The following RAI1 variants were observed in gnomAD, a reference collection of about 807,000 sequenced individuals.
RAI1 encodes the protein retinoic acid induced 1.
RAI1 carries 9 observed loss-of-function variants against 123.8 expected under a neutral mutation model. That is an observed-to-expected ratio of 0.07 (90% CI 0.04 to 0.13). RAI1 has a LOEUF of 0.13. Among genes scored for constraint, RAI1 ranks in the 10% least tolerant of loss-of-function variants. The probability of loss-of-function intolerance (pLI) is 1.00; values close to 1 mark genes in which losing one functional copy is unlikely to be tolerated. For missense variants in RAI1, 2,256 were observed against 2,545.8 expected, an observed-to-expected ratio of 0.89 and a Z score of 2.45; for synonymous variants, 1,231 against 1,127.3, an observed-to-expected ratio of 1.09 and a Z score of -1.84.
intron 1 of RAI1, among the ~76,000 whole-genome samples, chr17:17,705,707 C>T (rs1400871315): frequency 1.3e-5 from 2 of 150,374 alleles, no homozygotes; most frequent in Non-Finnish European, 3.0e-5. Context: ...GCCTGGGCGA[C>T]AGTGCAAGAC....
intron 1 of RAI1, among the ~76,000 whole-genome samples, chr17:17,719,939 C>T (rs906354555): frequency 1.3e-5 from 2 of 152,206 alleles, no homozygotes. Context: ...CATCTGACCT[C>T]AGGCCTGCAG....
At chr17:17,738,345 G>A (rs371751674) in intron 2 of RAI1, among the ~76,000 whole-genome samples, 6 of 150,358 alleles carry the variant, frequency 4.0e-5, no homozygotes, top group Admixed American at 6.6e-5. Context: ...GCTGGCTGGC[G>A]GCAGGCCCAG....
chr17:17,784,359 AC>A (rs1347594009), intron 2 of RAI1, among the ~76,000 whole-genome samples: 1 of 152,178 alleles, frequency 6.6e-6, no homozygotes, highest in African/African-American at 2.4e-5. Flanking sequence ...GGCACATTCC[AC>A]GACTCCTCTG....
intron 2 of RAI1, among the ~76,000 whole-genome samples, chr17:17,728,922 C>T (rs1379188830): frequency 6.6e-6 from 1 of 152,152 alleles, no homozygotes; most frequent in Non-Finnish European, 1.5e-5. Flanking sequence ...GAGGCTGGGG[C>T]CTACCATGAC....
chr17:17,710,770 C>T (rs895405517), intron 1 of RAI1, among the ~76,000 whole-genome samples: 1 of 152,240 alleles, frequency 6.6e-6, no homozygotes, highest in Admixed American at 6.5e-5. Context: ...AGACAGAGCC[C>T]TCTGGGAAGC....
chr17:17,687,891 G>A (rs1914692915), intron 1 of RAI1, among the ~76,000 whole-genome samples: 1 of 152,048 alleles, frequency 6.6e-6, no homozygotes. Context: ...TTAGCCAGGT[G>A]TGGTGGCCCA....
chr17:17,801,911 C>G lies in RAI1; in HGVS notation c.5566-1845C>G, dbSNP rs985341352. 2 of 376,594 alleles carry G rather than the reference C, an allele frequency of 5.3e-6. No individual in the cohort carries two copies. Among genetic ancestry groups the G allele is most frequent in the Non-Finnish European group, 1.1e-5 (2 of 188,978 alleles). 23.3% of individuals were successfully genotyped at this position (376,594 alleles called of 1,614,324 possible). On this transcript the variant is annotated intron_variant, in intron 3 of 5. Coordinates refer to ENST00000353383, the MANE Select transcript of RAI1 (RefSeq NM_030665.4). The surrounding 1 kb of genome is among the most constrained non-coding windows in gnomAD (Gnocchi z 4.1). ...TAACAGTAATCCCATCATAAGGTTG[C>G]TGTGGGCATGAGGCTTCCAGCCATG...
chr17:17,717,598 A>G (rs1355450180), intron 1 of RAI1, among the ~76,000 whole-genome samples: 1 of 151,104 alleles, frequency 6.6e-6, no homozygotes, highest in Non-Finnish European at 1.5e-5. Context: ...ATCTGCTGTC[A>G]TCCTCCCCAC....
intron 2 of RAI1, among the ~76,000 whole-genome samples, chr17:17,725,263 C>T (rs1916046529): frequency 6.6e-6 from 1 of 152,064 alleles, no homozygotes; most frequent in South Asian, 2.1e-4. Flanking sequence ...ACCTCAGCCT[C>T]CTCCCCTCTG....
At chr17:17,735,210 GC>G (rs1685050763) in intron 2 of RAI1, among the ~76,000 whole-genome samples, 1 of 151,628 alleles carries the variant, frequency 6.6e-6, no homozygotes, top group African/African-American at 2.4e-5. Context: ...CCACCACCAC[GC>G]CCAGCTAATA....
chr17:17,798,316 G>A lies in RAI1; in HGVS notation c.5368G>A (p.Glu1790Lys), dbSNP rs950879631. 1 of 1,596,878 alleles carries A rather than the reference G, an allele frequency of 6.3e-7. No individual in the cohort carries two copies. Among genetic ancestry groups the A allele is most frequent in the African/African-American group, 1.3e-5 (1 of 74,616 alleles). Residue 1790 changes from glutamate (E) to lysine (K), a missense_variant, in exon 3 of 6, where the codon GAG becomes AAG. Transcript: ENST00000353383. ...LQSCYCCDGR[E>K]DGGEEAAPAD... Reference sequence around the variant, plus strand: ...GAGCTGCTACTGCTGTGATGGCCGGGAGGATGGGGGCGAGGAGGCAGCCCC... The same window carrying A: ...GAGCTGCTACTGCTGTGATGGCCGGAAGGATGGGGGCGAGGAGGCAGCCCC...
intron 1 of RAI1, among the ~76,000 whole-genome samples, chr17:17,711,621 G>A (rs1390906464): frequency 6.6e-6 from 1 of 152,192 alleles, no homozygotes; most frequent in East Asian, 1.9e-4. Flanking sequence ...ACAAGGTGAG[G>A]CAAACCTTAG....
chr17:17,706,040 A>T lies in RAI1; in HGVS notation c.-148-17988A>T, dbSNP rs531632155. 2.5e-3 allele frequency among the ~76,000 whole-genome samples: 375 copies of T among 151,292 alleles called. 1 individual carries two copies. The highest frequency in any genetic ancestry group is 8.9e-3 in the South Asian group (43 of 4,822). On this transcript the variant is annotated intron_variant, in intron 1 of 5. Transcript: ENST00000353383. ...TCTGTCTCAAAAAAAAAAAAAAAAA[A>T]AAAAAAAGGCAACAAAAACCAAACG...
intron 1 of RAI1, chr17:17,682,639 T>A (rs1307414105): frequency 6.6e-6 from 1 of 152,060 alleles, no homozygotes; most frequent in East Asian, 1.9e-4. Context: ...GGGTGACATT[T>A]GGAGCCTGGT....
At chr17:17,705,894 C>T (rs9909976) in intron 1 of RAI1, among the ~76,000 whole-genome samples, 93 of 151,560 alleles carry the variant, frequency 6.1e-4, no homozygotes, top group African/African-American at 2.2e-3. Context: ...CATGGTGGCG[C>T]GTGCCTGTAG....
chr17:17,776,797 G>A lies in RAI1; in HGVS notation c.-16-16136G>A, dbSNP rs145783139. 6.4e-3 allele frequency: 975 copies of A among 151,356 alleles called. 11 individuals are homozygous for A. Among genetic ancestry groups the A allele is most frequent in the Non-Finnish European group, 8.9e-3 (602 of 67,982 alleles). 9.4% of individuals were successfully genotyped at this position (151,356 alleles called of 1,614,324 possible). A position where few individuals can be genotyped will look rare whatever the true frequency, so the allele number is the denominator to read the frequency against. ...TCCTACCTCAGCTTCCCAAGTAGCT[G>A]GGACCGCAGGCAAACACCACCTCAC... is the stretch of plus-strand genomic sequence containing the variant. On this transcript the variant is annotated intron_variant, in intron 2 of 5. Transcript: ENST00000353383.
intron 2 of RAI1, among the ~76,000 whole-genome samples, chr17:17,769,656 G>T (rs1432192598): frequency 6.7e-6 from 1 of 149,462 alleles, no homozygotes; most frequent in Non-Finnish European, 1.5e-5. Flanking sequence ...AGGATGGGGA[G>T]GGGGCCAGAT....
At chr17:17,805,101 T>G (rs2032569924) in intron 4 of RAI1, among the ~76,000 whole-genome samples, 1 of 152,146 alleles carries the variant, frequency 6.6e-6, no homozygotes, top group South Asian at 2.1e-4. Context: ...GACCTCGTGA[T>G]CCGCCCGCCT....
At chr17:17,743,933 GGGAGGGGAGCTAAAAGGGAAT>G (rs1407767628) in intron 2 of RAI1, among the ~76,000 whole-genome samples, 10 of 152,272 alleles carry the variant, frequency 6.6e-5, no homozygotes, top group Non-Finnish European at 4.4e-5. Context: ...GCTCAGGGCA[GGGAGGGGAGCTAAAAGGGAAT>G]GGAGGGGAGA....
Sources: allele counts gnomAD v4.1 joint callset (sites outside exome capture counted in the v4.1 genomes callset), GRCh38; gene constraint gnomAD v4.1.1; non-coding constraint Gnocchi (gnomAD v3.1); transcripts MANE v1.5; gene names NCBI Gene and HGNC (gene_info 2026-07-23, HGNC 2026-07-21).